ME1: variants seen among roughly 807,000 people sequenced by gnomAD.
ME1 encodes the protein malic enzyme 1, also known as NADP-dependent malic enzyme.
ME1 carries 74 observed loss-of-function variants against 66.4 expected under a neutral mutation model. The ratio of observed to expected loss-of-function variants is 1.11; its 90% confidence interval spans 0.92 to 1.35. The LOEUF (loss-of-function observed/expected upper bound fraction) is 1.35. ME1 is among the 40% of genes most tolerant of loss of function. ME1 has a pLI of 0.00. For synonymous variants in ME1, 251 were observed against 235.6 expected, an observed-to-expected ratio of 1.07 and a Z score of -0.60; for missense variants, 750 against 694.1, an observed-to-expected ratio of 1.08 and a Z score of -0.90.
At chr6:83,288,392 C>A (rs1176448593) in intron 6 of ME1, among the ~76,000 whole-genome samples, 1 of 152,134 alleles carries the variant, frequency 6.6e-6, no homozygotes, top group Admixed American at 6.5e-5. Context: ...GTTTTCCCAA[C>A]ACTATTTATT....
intron 7 of ME1, among the ~76,000 whole-genome samples, chr6:83,251,501 A>T (rs117795402): frequency 0.026 from 4,022 of 152,000 alleles, 82 homozygotes; most frequent in Admixed American, 0.054. Flanking sequence ...CTCAAAAAAA[A>T]AATTGCATAA....
chr6:83,360,034 G>A (rs879780744), intron 3 of ME1, among the ~76,000 whole-genome samples: 9 of 151,868 alleles, frequency 5.9e-5, no homozygotes, highest in Non-Finnish European at 8.8e-5. Context: ...AACCTACTGC[G>A]TTCCTACTTA....
chr6:83,270,165 CTTCAG>C (rs1011265076), intron 6 of ME1, among the ~76,000 whole-genome samples: 5 of 152,046 alleles, frequency 3.3e-5, no homozygotes, highest in Admixed American at 6.6e-5. Context: ...TATTACCATA[CTTCAG>C]TTGATTTGTG....
At chr6:83,247,988 G>A (rs776048777) in intron 7 of ME1, among the ~76,000 whole-genome samples, 1 of 152,144 alleles carries the variant, frequency 6.6e-6, no homozygotes, top group Non-Finnish European at 1.5e-5. Context: ...GTGGTGACCT[G>A]CTTGGGGGGC....
Position 83,325,431 on chromosome 6 carries a change from C to A in ME1, c.601-10018G>T, listed in dbSNP as rs140355715. On this transcript the variant is annotated intron_variant, in intron 5 of 13. Transcript: ENST00000369705. ...GAAAAGAAGAAGTCAAATTGTCTCT[C>A]TTTGCAGACGACATGATTGTATATT... Among the ~76,000 whole-genome samples the A allele has an allele frequency of 4.6e-3, 694 of 152,224 alleles. 2 individuals carry two copies. The highest frequency in any genetic ancestry group is 0.015 in the African/African-American group (636 of 41,554).
chr6:83,428,938 C>G (rs1210419097), intron 1 of ME1, among the ~76,000 whole-genome samples: 1 of 152,100 alleles, frequency 6.6e-6, no homozygotes, highest in South Asian at 2.1e-4. Context: ...TTCCTAGTAA[C>G]CTTGTGAACA....
chr6:83,226,140 C>T (rs1022343761), intron 11 of ME1, among the ~76,000 whole-genome samples: 1 of 152,010 alleles, frequency 6.6e-6, no homozygotes, highest in African/African-American at 2.4e-5. Context: ...AAACCAGTGT[C>T]TAAATTTTCA....
intron 1 of ME1, among the ~76,000 whole-genome samples, chr6:83,410,764 T>C (rs1454897405): frequency 6.6e-6 from 1 of 152,192 alleles, no homozygotes; most frequent in Non-Finnish European, 1.5e-5. Flanking sequence ...GCCCTTTCAT[T>C]CCCTTAATAA....
intron 6 of ME1, among the ~76,000 whole-genome samples, chr6:83,268,728 GTTATTATTATTA>G (rs57723634): frequency 1.8e-4 from 26 of 143,786 alleles, no homozygotes; most frequent in South Asian, 1.6e-3. Context: ...ACCATGCCCC[GTTATTATTATTA>G]TTATTATTAT....
chr6:83,307,151 T>C (rs1207003506), intron 6 of ME1, among the ~76,000 whole-genome samples: 1 of 152,054 alleles, frequency 6.6e-6, no homozygotes, highest in Non-Finnish European at 1.5e-5. Context: ...AGTGCACATG[T>C]TTTTACACAT....
intron 5 of ME1, among the ~76,000 whole-genome samples, chr6:83,324,949 T>C (rs1050260722): frequency 1.3e-5 from 2 of 152,090 alleles, no homozygotes; most frequent in African/African-American, 4.8e-5. Context: ...CTGACGAACA[T>C]TGACACAAAA....
chr6:83,326,940 C>T lies in ME1; in HGVS notation c.601-11527G>A, dbSNP rs574192461. Reference sequence around the variant, plus strand: ...AGTCAGGGACCCCAAACAGAGGGACCGGCTGAAGCCATGACAGAAGAACGT... The same window carrying T: ...AGTCAGGGACCCCAAACAGAGGGACTGGCTGAAGCCATGACAGAAGAACGT... On this transcript the variant is annotated intron_variant, in intron 5 of 13. Coordinates refer to ENST00000369705, the MANE Select transcript of ME1 (RefSeq NM_002395.6). 3.5e-4 allele frequency among the ~76,000 whole-genome samples: 53 copies of T among 152,190 alleles called. 1 individual carries two copies. The South Asian group carries it at 7.9e-3, about 23-fold the overall frequency.
intron 5 of ME1, among the ~76,000 whole-genome samples, chr6:83,326,322 T>C (rs746409360): frequency 2.0e-5 from 3 of 152,168 alleles, no homozygotes; most frequent in Non-Finnish European, 4.4e-5. Context: ...ATTCAGGCCA[T>C]AGGCATGGGC....
chr6:83,343,496 G>C (rs951439401), intron 5 of ME1, among the ~76,000 whole-genome samples: 1 of 152,136 alleles, frequency 6.6e-6, no homozygotes, highest in African/African-American at 2.4e-5. Context: ...AAGTCGAATG[G>C]CAGTAAGCAA....
At chr6:83,368,540 T>A (rs909744707) in intron 3 of ME1, among the ~76,000 whole-genome samples, 15 of 152,210 alleles carry the variant, frequency 9.9e-5, no homozygotes, top group Admixed American at 2.6e-4. Flanking sequence ...GTCACTTTTA[T>A]GGCCACATTT....
At chr6:83,304,573 G>T (rs1333146107) in intron 6 of ME1, among the ~76,000 whole-genome samples, 1 of 152,058 alleles carries the variant, frequency 6.6e-6, no homozygotes, top group Non-Finnish European at 1.5e-5. Flanking sequence ...TACAGAATAT[G>T]ATATTATTTT....
chr6:83,245,679 A>AT (rs1325149332), intron 7 of ME1, among the ~76,000 whole-genome samples: 1 of 152,208 alleles, frequency 6.6e-6, no homozygotes, highest in Non-Finnish European at 1.5e-5. Flanking sequence ...AAGTGCTGGG[A>AT]TTACAGGCGT....
intron 5 of ME1, among the ~76,000 whole-genome samples, chr6:83,334,305 A>G (rs1240285703): frequency 2.4e-5 from 3 of 127,502 alleles, no homozygotes; most frequent in Non-Finnish European, 5.0e-5. Flanking sequence ...CACCTGGCTC[A>G]GAGGGTCCTA....
intron 1 of ME1, among the ~76,000 whole-genome samples, chr6:83,409,149 C>T (rs900183670): frequency 6.6e-6 from 1 of 152,240 alleles, no homozygotes. Flanking sequence ...TTTGCAGTAC[C>T]TTGATGTTGG....
Sources: gnomAD v4.1 joint callset for allele counts (sites outside exome capture counted in the v4.1 genomes callset) on GRCh38, gnomAD v4.1.1 for gene constraint, MANE v1.5 for transcripts, NCBI Gene and HGNC (gene_info 2026-07-23, HGNC 2026-07-21) for gene names.